MVK: variants seen among roughly 807,000 people sequenced by gnomAD.
The protein encoded by MVK is LH receptor mRNA-binding protein.
Under a neutral mutation model 43.2 loss-of-function variants are expected in MVK, and 34 were observed. The observed-to-expected ratio is 0.79, with a 90% CI of 0.60 to 1.05. MVK has a LOEUF of 1.05. Ranked by LOEUF, MVK falls within the 50% of genes least tolerant of loss-of-function variation. The probability of loss-of-function intolerance (pLI) is 0.00; values close to 1 mark genes in which losing one functional copy is unlikely to be tolerated. For missense variants in MVK, 395 were observed against 504.0 expected (o/e 0.78, Z 2.07); for synonymous variants, 190 against 219.8 (o/e 0.86, Z 1.20).
rs1251051125 is a variant in MVK, at chr12:109,596,449, G to C, written c.1063G>C (p.Ala355Pro). The C allele has an allele frequency of 6.2e-7, 1 of 1,613,468 alleles. No homozygotes were observed. Among genetic ancestry groups the C allele is most frequent in the East Asian group, 2.2e-5 (1 of 44,890 alleles). ...KPGLEQPEVEATKQALTSCGF... is the reference protein window; with the variant it reads ...KPGLEQPEVEPTKQALTSCGF... ...AGGGCTGGAGCAGCCAGAAGTGGAG[G>C]CCACGAAGCAGGCCCTGACCAGCTG... Residue 355 changes from alanine (A) to proline (P), a missense_variant, in exon 11 of 11, where the codon GCC becomes CCC. Transcript: ENST00000228510.
rs1021065266 is a variant in MVK at position 109,596,880 on chromosome 12, C to A, written c.*303C>A. 1.0e-5 allele frequency: 5 copies of A among 480,552 alleles called. No homozygotes were observed. The highest frequency in any genetic ancestry group is 3.9e-5 in the African/African-American group (2 of 51,158). 29.8% of individuals were successfully genotyped at this position (480,552 alleles called of 1,614,324 possible). On this transcript the variant is annotated 3_prime_UTR_variant, in exon 11 of 11. Transcript: ENST00000228510. ...CTCCCACAGTCCCATCTGCTTCAGGCCCCCGCCTTGGCCTGTGTTCTTCCT... is the reference window on the plus strand; with the variant it reads ...CTCCCACAGTCCCATCTGCTTCAGGACCCCGCCTTGGCCTGTGTTCTTCCT...
chr12:109,581,007 G>T (rs1885191564), intron 4 of MVK, among the ~76,000 whole-genome samples: 1 of 152,022 alleles, frequency 6.6e-6, no homozygotes, highest in South Asian at 2.1e-4. Context: ...TGAGAGATGG[G>T]TAGGGATTTC....
chr12:109,594,864 A>C (rs1885845036), intron 9 of MVK, among the ~76,000 whole-genome samples, 164 bp from the exon 10 acceptor site: 1 of 152,234 alleles, frequency 6.6e-6, no homozygotes, highest in Non-Finnish European at 1.5e-5. Flanking sequence ...GCTGCAGGGC[A>C]GAAGGATTCT....
rs556971422 is a variant in MVK at position 109,586,792 on chromosome 12, T to C, written c.670T>C (p.Leu224=). 2.2e-5 allele frequency: 35 copies of C among 1,614,182 alleles called. No individual in the cohort carries two copies. The East Asian group carries it at 7.4e-4, about 34-fold the overall frequency. Reference sequence around the variant, plus strand: ...ATACCATCAAGGGAAGATTTCATCCTTAAAGAGGTAACCTGGGGGTGGAGC... The same window carrying C: ...ATACCATCAAGGGAAGATTTCATCCCTAAAGAGGTAACCTGGGGGTGGAGC... ...LRYHQGKISS[L]KRSPALQILL... The change falls in exon 7 of 11, where the codon TTA becomes CTA. Residue 224 remains leucine, a synonymous_variant. Transcript: ENST00000228510.
chr12:109,586,917 C>A, intron 7 of MVK, 118 bp downstream of exon 7: 1 of 1,227,400 alleles, frequency 8.1e-7, no homozygotes. Context: ...CTTCATCCCC[C>A]AATGTGGCCC....
At chr12:109,584,094 C>T (rs1044308079) in intron 5 of MVK, among the ~76,000 whole-genome samples, 2 of 152,206 alleles carry the variant, frequency 1.3e-5, no homozygotes, top group African/African-American at 2.4e-5. Context: ...CCTCAGTTTC[C>T]GTTTCTGTAA....
At chr12:109,581,880 GAA>G (rs1250092217) in intron 5 of MVK, among the ~76,000 whole-genome samples, 242 of 152,342 alleles carry the variant, frequency 1.6e-3, no homozygotes, top group African/African-American at 5.6e-3. Flanking sequence ...CAGGTTAGAT[GAA>G]CCCTCCCACC....
chr12:109,577,032 C>G (rs542072507), intron 3 of MVK, among the ~76,000 whole-genome samples: 55 of 152,166 alleles, frequency 3.6e-4, no homozygotes, highest in Non-Finnish European at 5.1e-4. Flanking sequence ...ATTAATCCTT[C>G]TGGGTGATTT....
At chr12:109,588,882 G>C (rs969412914) in intron 7 of MVK, 4 of 152,302 alleles carry the variant, frequency 2.6e-5, no homozygotes, top group African/African-American at 9.7e-5. Flanking sequence ...AGGAAACAAG[G>C]CAGGGTCAGA....
At chr12:109,575,668 A>G (rs1380422411) in intron 2 of MVK, among the ~76,000 whole-genome samples, 1 of 152,142 alleles carries the variant, frequency 6.6e-6, no homozygotes, top group African/African-American at 2.4e-5. Context: ...GATTACAGAT[A>G]TGAGCCACCA....
rs61940514 is a variant in MVK, at chr12:109,581,093, C to T, written c.372-302C>T. 0.17 allele frequency among the ~76,000 whole-genome samples: 25,920 copies of T among 152,104 alleles called. 2,292 individuals are homozygous for T. The highest frequency in any genetic ancestry group is 0.19 in the African/African-American group (7,948 of 41,446). On this transcript the variant is annotated intron_variant, in intron 4 of 10. Transcript: ENST00000228510. Reference sequence around the variant, plus strand: ...TGCTCAGAGCAGGCCCACAGAAAAGCCTAGCATGTGGGCACAGGAAGGAGG... The same window carrying T: ...TGCTCAGAGCAGGCCCACAGAAAAGTCTAGCATGTGGGCACAGGAAGGAGG...
chr12:109,575,957 A>G, intron 2 of MVK, 41 bp from the exon 3 acceptor site: 2 of 1,613,114 alleles, frequency 1.2e-6, no homozygotes, highest in South Asian at 1.1e-5. Flanking sequence ...CCCCTTTGCC[A>G]CTCACCCTCA....
At chr12:109,574,993 T>A (rs1004649251) in intron 2 of MVK, 93 bp downstream of exon 2, 24 of 1,259,186 alleles carry the variant, frequency 1.9e-5, no homozygotes, top group Non-Finnish European at 2.7e-5. Context: ...AGGCACAGCT[T>A]GGGAGCAGAT....
chr12:109,573,693 C>T, upstream of MVK: 4 of 641,736 alleles, frequency 6.2e-6, no homozygotes. Context: ...GCTGCAACAC[C>T]TATTGACCAA....
chr12:109,581,300 A>G lies in MVK; in HGVS notation c.372-95A>G, dbSNP rs1027007958. The G allele has an allele frequency of 4.0e-6, 6 of 1,518,362 alleles. No individual in the cohort carries two copies. In the Admixed American group the frequency reaches 5.0e-5, roughly 13 times the overall value. The allele number at this position is 1,518,362 out of a possible 1,614,324, so 94.1% of individuals were successfully genotyped here. A position where few individuals can be genotyped will look rare whatever the true frequency, so the allele number is the denominator to read the frequency against. On this transcript the variant is annotated intron_variant, in intron 4 of 10. Transcript: ENST00000228510. ...CCCCCAGTTGAGAAAACTGGACCAG[A>G]TGCTTGGAGTCAGGCCTGGGCCTGG... is the stretch of plus-strand genomic sequence containing the variant.
At chr12:109,574,759 G>A in intron 1 of MVK, 50 bp from the exon 2 acceptor site, 5 of 1,438,672 alleles carry the variant, frequency 3.5e-6, no homozygotes, top group Non-Finnish European at 4.8e-6. Flanking sequence ...TCTTCCTGCT[G>A]GTTCTGACAT....
intron 6 of MVK, among the ~76,000 whole-genome samples, chr12:109,586,419 AT>A (rs1378023736): frequency 6.6e-6 from 1 of 152,080 alleles, no homozygotes; most frequent in Non-Finnish European, 1.5e-5. Flanking sequence ...TTTGCACACC[AT>A]CCAGGTGGCC....
chr12:109,596,658 C>T lies in MVK; in HGVS notation c.*81C>T, dbSNP rs1035479990. ...GGGCTGCAGTTCGACTCTGTGCTGGCCAGCGAGCGCCCAGCTCCTGACACT... is the reference window on the plus strand; with the variant it reads ...GGGCTGCAGTTCGACTCTGTGCTGGTCAGCGAGCGCCCAGCTCCTGACACT... On this transcript the variant is annotated 3_prime_UTR_variant, in exon 11 of 11. Coordinates refer to ENST00000228510, the MANE Select transcript of MVK (RefSeq NM_000431.4). The T allele has an allele frequency of 5.7e-5, 88 of 1,551,568 alleles. No individual in the cohort carries two copies. The highest frequency in any genetic ancestry group is 7.5e-5 in the Non-Finnish European group (86 of 1,148,450).
At chr12:109,587,000 T>G (rs1358454499) in intron 7 of MVK, 6 of 612,398 alleles carry the variant, frequency 9.8e-6, no homozygotes, top group Non-Finnish European at 1.7e-5. Flanking sequence ...CTTCAGCTCT[T>G]AAATTGCAGA....
Sources: allele counts gnomAD v4.1 joint callset (sites outside exome capture counted in the v4.1 genomes callset), GRCh38; gene constraint gnomAD v4.1.1; transcripts MANE v1.5; gene names NCBI Gene and HGNC (gene_info 2026-07-23, HGNC 2026-07-21).